SLC15A5: variants seen among roughly 807,000 people sequenced by gnomAD.
The protein encoded by SLC15A5 is solute carrier family 15 member 5.
Under a neutral mutation model 56.1 loss-of-function variants are expected in SLC15A5, and 58 were observed. The ratio of observed to expected loss-of-function variants is 1.03; its 90% CI spans 0.84 to 1.29. The LOEUF is 1.29. SLC15A5 is among the 50% of genes most tolerant of loss of function. The probability of loss-of-function intolerance (pLI) is 0.00; values close to 1 mark genes in which losing one functional copy is unlikely to be tolerated. For missense variants in SLC15A5, 681 were observed against 672.1 expected (o/e 1.01, Z -0.15); for synonymous variants, 264 against 250.5 (o/e 1.05, Z -0.51).
At chr12:16,224,941 T>C (rs1018633120) in intron 5 of SLC15A5, among the ~76,000 whole-genome samples, 1 of 144,318 alleles carries the variant, frequency 6.9e-6, no homozygotes, top group African/African-American at 2.5e-5. Context: ...AGTATTCTCA[T>C]TGTTCAATTC....
chr12:16,272,556 C>T lies in SLC15A5; in HGVS notation c.584+5G>A. 14 of 1,536,590 alleles carry T rather than the reference C, an allele frequency of 9.1e-6. No individual in the cohort carries two copies. The highest frequency in any genetic ancestry group is 1.7e-4 in the Middle Eastern group (1 of 5,970). ...CTCTTTTCTCTCCTAGCCAGTGCTA[C>T]TTACCAGTTAAAAAAAGACATCGTT... On this transcript the variant is annotated splice_donor_5th_base_variant and intron_variant, in intron 2 of 8. Transcript: ENST00000344941.
chr12:16,191,734 T>C (rs1459470524), intron 8 of SLC15A5, among the ~76,000 whole-genome samples: 1 of 152,110 alleles, frequency 6.6e-6, no homozygotes, highest in Non-Finnish European at 1.5e-5. Flanking sequence ...TGCTTAACTC[T>C]TCTGACTTGG....
At chr12:16,222,506 G>T (rs1374379295) in intron 6 of SLC15A5, among the ~76,000 whole-genome samples, 3 of 152,166 alleles carry the variant, frequency 2.0e-5, no homozygotes, top group Non-Finnish European at 4.4e-5. Flanking sequence ...TATCAGAAAA[G>T]TGAGGATTGG....
chr12:16,259,807 T>C (rs1864622452), intron 2 of SLC15A5, among the ~76,000 whole-genome samples: 1 of 151,990 alleles, frequency 6.6e-6, no homozygotes, highest in East Asian at 1.9e-4. Flanking sequence ...CATGGAATAT[T>C]ATTGCTAATT....
chr12:16,208,254 GA>G (rs1864040637), intron 7 of SLC15A5, among the ~76,000 whole-genome samples: 1 of 152,142 alleles, frequency 6.6e-6, no homozygotes, highest in Non-Finnish European at 1.5e-5. Context: ...GGTTGTCCCT[GA>G]CCGAGTCCAA....
chr12:16,250,480 A>G (rs1349217569), intron 3 of SLC15A5, among the ~76,000 whole-genome samples: 2 of 152,028 alleles, frequency 1.3e-5, no homozygotes, highest in Non-Finnish European at 2.9e-5. Flanking sequence ...TAGTAGCTGT[A>G]TAGAGAAATA....
In SLC15A5 at chr12:16,195,416, T is replaced by C. The variant is rs117738878; in HGVS notation, c.1484-963A>G. Among the ~76,000 whole-genome samples, 227 of 152,250 alleles carry C rather than the reference T, an allele frequency of 1.5e-3. 6 individuals are homozygous for C. In the East Asian group the frequency reaches 0.027, roughly 18 times the overall value. ...ACTAGTATTACCAAATGTATTTACATTGCACTACAGAATGCTTAAAAGGGA... is the reference window on the plus strand; with the variant it reads ...ACTAGTATTACCAAATGTATTTACACTGCACTACAGAATGCTTAAAAGGGA... On this transcript the variant is annotated intron_variant, in intron 7 of 8. Transcript: ENST00000344941.
At chr12:16,229,522 A>C (rs1864274110) in intron 5 of SLC15A5, among the ~76,000 whole-genome samples, 2 of 151,940 alleles carry the variant, frequency 1.3e-5, no homozygotes, top group Admixed American at 6.6e-5. Context: ...TAGTGTGTTC[A>C]TTTTTACCAT....
chr12:16,251,627 AT>A (rs1308442103), intron 3 of SLC15A5, among the ~76,000 whole-genome samples: 1 of 151,856 alleles, frequency 6.6e-6, no homozygotes, highest in African/African-American at 2.4e-5. Flanking sequence ...TCATGACAAA[AT>A]AAAAAATCTG....
At chr12:16,220,909 A>G (rs1471979978) in intron 6 of SLC15A5, among the ~76,000 whole-genome samples, 1 of 152,166 alleles carries the variant, frequency 6.6e-6, no homozygotes, top group Non-Finnish European at 1.5e-5. Context: ...ATAAACAAAC[A>G]TAGGGTATGA....
At position 16,257,771 on chromosome 12, in the gene SLC15A5, A is replaced by C. The variant is rs1227087045; in HGVS notation, c.684T>G (p.Phe228Leu). ...TTATCACAGCCATAAGCATAGACAT[A>C]AAAGGAATAAGTAAAACAAGGGCCC... ...QAWALVLLIPFMSMLMAVITL... is the reference protein window; with the variant it reads ...QAWALVLLIPLMSMLMAVITL... Residue 228 changes from phenylalanine (F) to leucine (L), a missense_variant, in exon 3 of 9, where the codon TTT (phenylalanine) becomes TTG (leucine). Phe to Leu is a conservative substitution (Grantham distance 22). Coordinates refer to ENST00000344941, the MANE Select transcript of SLC15A5 (RefSeq NM_001170798.1). 1.3e-6 allele frequency: 2 copies of C among 1,532,154 alleles called. No homozygotes were observed. The highest frequency in any genetic ancestry group is 2.7e-5 in the African/African-American group (2 of 72,740). The allele number at this position is 1,532,154 out of a possible 1,614,324, so 94.9% of individuals were successfully genotyped here.
At chr12:16,257,053 G>A (rs947695458) in intron 3 of SLC15A5, among the ~76,000 whole-genome samples, 13 of 151,818 alleles carry the variant, frequency 8.6e-5, no homozygotes, top group African/African-American at 1.5e-4. Context: ...GGAAACAATT[G>A]GAGATTTTAA....
In SLC15A5 at chr12:16,275,260, G is replaced by C. The variant is rs528309428; in HGVS notation, c.361+2065C>G. 2.6e-5 allele frequency among the ~76,000 whole-genome samples: 4 copies of C among 152,164 alleles called. No individual in the cohort carries two copies. In the East Asian group the frequency reaches 7.7e-4, roughly 29 times the overall value. ...AAGATAAGGGAAGGTGACAATTTCA[G>C]AAAGAGAGAAGAGCATGTACAAGAT... is the stretch of plus-strand genomic sequence containing the variant. On this transcript the variant is annotated intron_variant, in intron 1 of 8. Transcript: ENST00000344941.
intron 4 of SLC15A5, among the ~76,000 whole-genome samples, chr12:16,242,284 T>G (rs1111660): frequency 6.6e-6 from 1 of 152,188 alleles, no homozygotes; most frequent in African/African-American, 2.4e-5. Flanking sequence ...GCCTCCCTGG[T>G]GAAGTATGAT....
At chr12:16,215,143 C>T (rs1313353870) in intron 7 of SLC15A5, among the ~76,000 whole-genome samples, 2 of 131,726 alleles carry the variant, frequency 1.5e-5, no homozygotes, top group South Asian at 2.6e-4. Flanking sequence ...GCGGAGGTTG[C>T]AGTGGGCCGA....
chr12:16,272,179 C>A (rs1386750573), intron 2 of SLC15A5, among the ~76,000 whole-genome samples: 1 of 152,140 alleles, frequency 6.6e-6, no homozygotes, highest in Admixed American at 6.6e-5. Flanking sequence ...TATTATCCCC[C>A]TTCAGAAATG....
intron 7 of SLC15A5, among the ~76,000 whole-genome samples, chr12:16,208,277 T>C (rs1326791922): frequency 1.3e-5 from 2 of 152,216 alleles, no homozygotes; most frequent in African/African-American, 4.8e-5. Flanking sequence ...ATTCCTTTCT[T>C]CAGGGCATTA....
At chr12:16,231,011 A>G (rs1864292322) in intron 5 of SLC15A5, among the ~76,000 whole-genome samples, 1 of 152,160 alleles carries the variant, frequency 6.6e-6, no homozygotes, top group Non-Finnish European at 1.5e-5. Flanking sequence ...CTAATTAAAT[A>G]GTCTCCACCA....
At chr12:16,230,633 G>T (rs1236001242) in intron 5 of SLC15A5, among the ~76,000 whole-genome samples, 2 of 151,994 alleles carry the variant, frequency 1.3e-5, no homozygotes, top group East Asian at 3.8e-4. Context: ...AAAAGACAAG[G>T]CCGGGCGCGG....
Sources: allele counts gnomAD v4.1 joint callset (sites outside exome capture counted in the v4.1 genomes callset), GRCh38; gene constraint gnomAD v4.1.1; transcripts MANE v1.5; gene names NCBI Gene and HGNC (gene_info 2026-07-23, HGNC 2026-07-21).